HYAL2: variants seen among roughly 807,000 people sequenced by gnomAD.
HYAL2 encodes the protein hyaluronidase 2.
HYAL2 carries 30 observed loss-of-function variants against 35.4 expected under a neutral mutation model. The observed-to-expected ratio is 0.85, with a 90% CI of 0.63 to 1.15. The LOEUF is 1.15. Among genes scored for constraint, HYAL2 ranks in the 50% most tolerant of loss-of-function variants. The pLI, the probability that HYAL2 is intolerant of heterozygous loss-of-function variation, is 0.00. For synonymous variants in HYAL2, 262 were observed against 252.8 expected (o/e 1.04, Z -0.34); for missense variants, 635 against 646.5 (o/e 0.98, Z 0.19).
At chr3:50,321,816 G>GA (rs1702704253) in intron 1 of HYAL2, 1 of 13,618 alleles carries the variant, frequency 7.3e-5, no homozygotes, top group South Asian at 8.4e-4. Context: ...GGGACGGGAA[G>GA]GGGGGGGGGG....
Position 50,318,495 on chromosome 3 carries a change from G to C in HYAL2, c.1056C>G (p.Val352=), listed in dbSNP as rs781812808. The change falls in exon 4 of 4, where the codon GTC becomes GTG. Residue 352 remains valine (V), a synonymous_variant. Coordinates refer to ENST00000357750, the MANE Select transcript of HYAL2 (RefSeq NM_003773.5). This position sits in a 1 kb window ranked among gnomAD's most constrained non-coding sequence, Gnocchi z 4.5. ...CCCAGGACACATTGACCACGTAGGGGACCAGCAGCCGTGTCAGGTAATCTT... is the reference window on the plus strand; with the variant it reads ...CCCAGGACACATTGACCACGTAGGGCACCAGCAGCCGTGTCAGGTAATCTT... The part of the protein sequence containing the change: ...YLKDYLTRLL[V]PYVVNVSWAT... The C allele has an allele frequency of 8.7e-6, 14 of 1,610,930 alleles. No individual in the cohort carries two copies. The highest frequency in any genetic ancestry group is 1.3e-5 in the African/African-American group (1 of 75,024).
At position 50,320,407 on chromosome 3, in the gene HYAL2, G is replaced by T. The variant is rs782471279; in HGVS notation, c.83C>A (p.Pro28Gln). Residue 28 changes from proline to glutamine, a missense_variant, in exon 2 of 4, where the codon CCA (proline) becomes CAA (glutamine). Coordinates refer to ENST00000357750, the MANE Select transcript of HYAL2 (RefSeq NM_003773.5). The surrounding 1 kb of genome is among the most constrained non-coding windows in gnomAD (Gnocchi z 4.8). ...AAAGGGCCGGCCAGTGAAGATGGGTGGTGCTGTGGGCTTGAGCTCCATGGC... is the reference window on the plus strand; with the variant it reads ...AAAGGGCCGGCCAGTGAAGATGGGTTGTGCTGTGGGCTTGAGCTCCATGGC... ...SWAMELKPTA[P>Q]PIFTGRPFVV... 1 of 1,608,324 alleles carries T rather than the reference G, an allele frequency of 6.2e-7. No homozygotes were observed. Among genetic ancestry groups the T allele is most frequent in the Non-Finnish European group, 8.5e-7 (1 of 1,176,720 alleles).
Position 50,318,061 on chromosome 3 carries a change from G to T in HYAL2, c.*68C>A. The T allele has an allele frequency of 6.7e-7, 1 of 1,488,326 alleles. No individual in the cohort carries two copies. Among genetic ancestry groups the T allele is most frequent in the South Asian group, 1.4e-5 (1 of 73,876 alleles). The allele number at this position is 1,488,326 out of a possible 1,614,324, so 92.2% of individuals were successfully genotyped here. A position where few individuals can be genotyped will look rare whatever the true frequency, so the allele number is the denominator to read the frequency against. Reference sequence around the variant, plus strand: ...GACTCCAGTTTGTCCACCCCCTGCAGGGTCCTACATGCCTAAGAGAGCCCT... The same window carrying T: ...GACTCCAGTTTGTCCACCCCCTGCATGGTCCTACATGCCTAAGAGAGCCCT... On this transcript the variant is annotated 3_prime_UTR_variant, in exon 4 of 4. Transcript: ENST00000357750. This position sits in a 1 kb window ranked among gnomAD's most constrained non-coding sequence, Gnocchi z 4.5.
chr3:50,320,223 G>C lies in HYAL2; in HGVS notation c.267C>G (p.Phe89Leu), dbSNP rs201798244. The C allele has an allele frequency of 6.2e-7, 1 of 1,614,008 alleles. No individual in the cohort carries two copies. Among genetic ancestry groups the C allele is most frequent in the Non-Finnish European group, 8.5e-7 (1 of 1,180,054 alleles). ...CATGCACAGACCTTCCGGCAGAATC[G>C]AAGCGTGGATACAGGCCTAGACGGT... ...YRDRLGLYPR[F>L]DSAGRSVHGG... Residue 89 changes from phenylalanine (F) to leucine (L), a missense_variant, in exon 2 of 4, where the codon TTC (phenylalanine) becomes TTG (leucine). Transcript: ENST00000357750. The surrounding 1 kb of genome is among the most constrained non-coding windows in gnomAD (Gnocchi z 4.8).
chr3:50,319,083 G>T, intron 2 of HYAL2, 38 bp from the exon 3 acceptor site: 3 of 1,469,144 alleles, frequency 2.0e-6, no homozygotes, highest in South Asian at 1.2e-5. Context: ...GGAAGACTGA[G>T]ACCACAGGGT....
At chr3:50,321,507 C>A (rs1405067833) in intron 1 of HYAL2, 2 of 152,166 alleles carry the variant, frequency 1.3e-5, no homozygotes, top group Admixed American at 6.5e-5. Context: ...CCCTTTAAGA[C>A]TCCAGTGCGG....
rs1319594886 is a variant in HYAL2 at position 50,317,986 on chromosome 3, G to A, written c.*143C>T. 20 of 836,390 alleles carry A rather than the reference G, an allele frequency of 2.4e-5. No homozygotes were observed. Among genetic ancestry groups the A allele is most frequent in the Non-Finnish European group, 3.2e-5 (17 of 532,802 alleles). The allele number at this position is 836,390 out of a possible 1,614,324, so 51.8% of individuals were successfully genotyped here. ...CCTCCCCCTTAGAACAGGGGGGTGCGAGCTGGTATGGATGCCCTCCTGGGC... is the reference window on the plus strand; with the variant it reads ...CCTCCCCCTTAGAACAGGGGGGTGCAAGCTGGTATGGATGCCCTCCTGGGC... On this transcript the variant is annotated 3_prime_UTR_variant, in exon 4 of 4. Coordinates refer to ENST00000357750, the MANE Select transcript of HYAL2 (RefSeq NM_003773.5).
chr3:50,319,408 G>A (rs1575529966), intron 2 of HYAL2, among the ~76,000 whole-genome samples, 161 bp downstream of exon 2: 1 of 152,160 alleles, frequency 6.6e-6, no homozygotes, highest in African/African-American at 2.4e-5. Context: ...TGAAAAATGG[G>A]GATAATGATG....
chr3:50,320,326 A>G lies in HYAL2; in HGVS notation c.164T>C (p.Leu55Pro). 1 of 1,614,006 alleles carries G rather than the reference A, an allele frequency of 6.2e-7. No homozygotes were observed. Among genetic ancestry groups the G allele is most frequent in the African/African-American group, 1.3e-5 (1 of 75,082 alleles). The change falls in exon 2 of 4, where the codon CTG becomes CCG. Residue 55 changes from leucine (L) to proline (P), a missense_variant. Leu to Pro is a moderately conservative substitution (Grantham distance 98). Transcript: ENST00000357750. This position sits in a 1 kb window ranked among gnomAD's most constrained non-coding sequence, Gnocchi z 4.8. ...QDCGPRLKVP[L>P]DLNAFDVQAS... ...CTGCACATCAAAGGCATTCAGGTCCAGTGGCACCTTGAGGCGTGGGCCACA... is the reference window on the plus strand; with the variant it reads ...CTGCACATCAAAGGCATTCAGGTCCGGTGGCACCTTGAGGCGTGGGCCACA...
rs782687994 is a variant in HYAL2 at position 50,319,976 on chromosome 3, CTA to C, written c.512_513del (p.Ile171SerfsTer7). On this transcript the variant is annotated frameshift_variant, in exon 2 of 4. Coordinates refer to ENST00000357750, the MANE Select transcript of HYAL2 (RefSeq NM_003773.5). LOFTEE classifies it high-confidence loss of function. ...SRHPDWPPDR[I>X]VKQAQYEFEF... Reference sequence around the variant, plus strand: ...TCAAACTCATATTGTGCCTGTTTGACTATGCGGTCTGGAGGCCAGTCAGGGTG... The same window carrying C: ...TCAAACTCATATTGTGCCTGTTTGACTGCGGTCTGGAGGCCAGTCAGGGTG... 6.2e-7 allele frequency: 1 copy of C among 1,613,516 alleles called. No individual in the cohort carries two copies. Among genetic ancestry groups the C allele is most frequent in the Non-Finnish European group, 8.5e-7 (1 of 1,180,046 alleles).
chr3:50,318,847 G>A lies in HYAL2; in HGVS notation c.1011+109C>T, dbSNP rs1181026036. 1.7e-5 allele frequency: 17 copies of A among 971,486 alleles called. No homozygotes were observed. Among genetic ancestry groups the A allele is most frequent in the African/African-American group, 3.2e-5 (2 of 62,626 alleles). The allele number at this position is 971,486 out of a possible 1,614,324, so 60.2% of individuals were successfully genotyped here. A position where few individuals can be genotyped will look rare whatever the true frequency, so the allele number is the denominator to read the frequency against. ...GCCACCAGGGATGCCTCGGGTGGGA[G>A]ACAGACAAGGGGACCAGACTAGGAT... On this transcript the variant is annotated intron_variant, in intron 3 of 3. Coordinates refer to ENST00000357750, the MANE Select transcript of HYAL2 (RefSeq NM_003773.5). This position sits in a 1 kb window ranked among gnomAD's most constrained non-coding sequence, Gnocchi z 4.5.
Position 50,319,976 on chromosome 3 carries a change from C to T in HYAL2, c.514G>A (p.Val172Ile). 6.2e-7 allele frequency: 1 copy of T among 1,613,516 alleles called. No homozygotes were observed. Among genetic ancestry groups the T allele is most frequent in the Non-Finnish European group, 8.5e-7 (1 of 1,180,046 alleles). Residue 172 changes from valine (V) to isoleucine (I), a missense_variant, in exon 2 of 4, where the codon GTC becomes ATC. Val to Ile is a conservative substitution (Grantham distance 29, BLOSUM62 3). Transcript: ENST00000357750. ...RHPDWPPDRIVKQAQYEFEFA... is the reference protein window; with the variant it reads ...RHPDWPPDRIIKQAQYEFEFA... ...TCAAACTCATATTGTGCCTGTTTGA[C>T]TATGCGGTCTGGAGGCCAGTCAGGG... is the stretch of plus-strand genomic sequence containing the variant.
At position 50,318,175 on chromosome 3, in the gene HYAL2, G is replaced by A. The variant is rs782685136; in HGVS notation, c.1376C>T (p.Thr459Ile). Residue 459 changes from threonine to isoleucine, a missense_variant, in exon 4 of 4, where the codon ACC (threonine) becomes ATC (isoleucine). By Grantham distance (89) the Thr-to-Ile change is moderately conservative. Coordinates refer to ENST00000357750, the MANE Select transcript of HYAL2 (RefSeq NM_003773.5). The surrounding 1 kb of genome is among the most constrained non-coding windows in gnomAD (Gnocchi z 4.5). ...ASEAWAGSHL[T>I]SLLALAALAF... Reference sequence around the variant, plus strand: ...CAGGGCTGCCAGAGCCAGCAGACTGGTGAGGTGGGACCCAGCCCAGGCCTC... The same window carrying A: ...CAGGGCTGCCAGAGCCAGCAGACTGATGAGGTGGGACCCAGCCCAGGCCTC... 1 of 1,602,250 alleles carries A rather than the reference G, an allele frequency of 6.2e-7. No homozygotes were observed. Among genetic ancestry groups the A allele is most frequent in the Non-Finnish European group, 8.5e-7 (1 of 1,173,374 alleles).
intron 1 of HYAL2, chr3:50,321,280 T>C (rs1702689236): frequency 6.6e-6 from 1 of 152,114 alleles, no homozygotes. Context: ...GTGGGGTTTC[T>C]GGGACGCCTC....
chr3:50,321,073 G>A (rs1423912741), intron 1 of HYAL2: 3 of 152,378 alleles, frequency 2.0e-5, no homozygotes, highest in African/African-American at 7.2e-5. Flanking sequence ...CGGCTTGGAG[G>A]AGGCCCCGTA....
At position 50,320,735 on chromosome 3, in the gene HYAL2, G is replaced by C. The variant is rs1702669936; in HGVS notation, c.-46-200C>G. 4.0e-6 allele frequency: 2 copies of C among 500,426 alleles called. No homozygotes were observed. Among genetic ancestry groups the C allele is most frequent in the Non-Finnish European group, 7.0e-6 (2 of 284,610 alleles). The allele number at this position is 500,426 out of a possible 1,614,324, so 31.0% of individuals were successfully genotyped here. ...GCCAGAAGCACAGGGCTCTTTTCTG[G>C]AGCAGGTAGCCTGTGGCTCGGCACA... On this transcript the variant is annotated intron_variant, in intron 1 of 3. Transcript: ENST00000357750. This position sits in a 1 kb window ranked among gnomAD's most constrained non-coding sequence, Gnocchi z 4.8.
chr3:50,320,594 A>C lies in HYAL2; in HGVS notation c.-46-59T>G. 4.8e-6 allele frequency: 5 copies of C among 1,051,204 alleles called. No homozygotes were observed. The highest frequency in any genetic ancestry group is 6.7e-6 in the Non-Finnish European group (5 of 749,318). 65.1% of individuals were successfully genotyped at this position (1,051,204 alleles called of 1,614,324 possible). A position where few individuals can be genotyped will look rare whatever the true frequency, so the allele number is the denominator to read the frequency against. On this transcript the variant is annotated intron_variant, in intron 1 of 3. Transcript: ENST00000357750. The surrounding 1 kb of genome is among the most constrained non-coding windows in gnomAD (Gnocchi z 4.8). ...AGGGAATACTGGAAGTGCCCACCTC[A>C]AGCCCATCTATGCTCCCAAAGCCCA...
In HYAL2 at chr3:50,320,121, T is replaced by A. The variant is rs781845213; in HGVS notation, c.369A>T (p.Thr123=). The A allele has an allele frequency of 2.9e-5, 47 of 1,613,696 alleles. No homozygotes were observed. The highest frequency in any genetic ancestry group is 3.9e-5 in the Non-Finnish European group (46 of 1,180,044). Reference sequence around the variant, plus strand: ...TGACCGCCAGCCCCGCAGACTCCTGTGTCCGAATGTAGTGCTCCACACGTT... The same window carrying A: ...TGACCGCCAGCCCCGCAGACTCCTGAGTCCGAATGTAGTGCTCCACACGTT... The part of the protein sequence containing the change: ...LQKRVEHYIR[T]QESAGLAVID... The change falls in exon 2 of 4, where the codon ACA becomes ACT. Residue 123 remains threonine, a synonymous_variant. Transcript: ENST00000357750. This position sits in a 1 kb window ranked among gnomAD's most constrained non-coding sequence, Gnocchi z 4.8.
In HYAL2 at chr3:50,318,037, A is replaced by T. The variant is rs1012867987; in HGVS notation, c.*92T>A. 86 of 1,386,868 alleles carry T rather than the reference A, an allele frequency of 6.2e-5. No homozygotes were observed. The highest frequency in any genetic ancestry group is 8.0e-5 in the Non-Finnish European group (82 of 1,021,428). The allele number at this position is 1,386,868 out of a possible 1,614,324, so 85.9% of individuals were successfully genotyped here. A position where few individuals can be genotyped will look rare whatever the true frequency, so the allele number is the denominator to read the frequency against. On this transcript the variant is annotated 3_prime_UTR_variant, in exon 4 of 4. Coordinates refer to ENST00000357750, the MANE Select transcript of HYAL2 (RefSeq NM_003773.5). This position sits in a 1 kb window ranked among gnomAD's most constrained non-coding sequence, Gnocchi z 4.5. ...TTCCTGGGGGCTCTGCCCACTCCAGACTCCAGTTTGTCCACCCCCTGCAGG... is the reference window on the plus strand; with the variant it reads ...TTCCTGGGGGCTCTGCCCACTCCAGTCTCCAGTTTGTCCACCCCCTGCAGG...
Sources: gnomAD v4.1 joint callset for allele counts (sites outside exome capture counted in the v4.1 genomes callset) on GRCh38, gnomAD v4.1.1 for gene constraint, Gnocchi (gnomAD v3.1) non-coding constraint, MANE v1.5 for transcripts, NCBI Gene and HGNC (gene_info 2026-07-23, HGNC 2026-07-21) for gene names.